Variants in STK39 observed in about 807,000 individuals in gnomAD.
STK39 encodes STE20/SPS1-related proline-alanine-rich protein kinase.
Under a neutral mutation model 77.8 loss-of-function variants are expected in STK39, and 20 were observed. That is an observed-to-expected ratio of 0.26 (90% CI 0.18 to 0.37). The LOEUF (loss-of-function observed/expected upper bound fraction) is 0.37, where lower values mean the gene tolerates loss of function less well. STK39 is among the 10% of genes least tolerant of loss of function. The pLI is 1.00. For synonymous variants in STK39, 246 were observed against 234.1 expected, an observed-to-expected ratio of 1.05 and a Z score of -0.47; for missense variants, 479 against 656.5, an observed-to-expected ratio of 0.73 and a Z score of 2.95.
At chr2:168,078,896 G>A (rs973475874) in intron 10 of STK39, among the ~76,000 whole-genome samples, 21 of 152,116 alleles carry the variant, frequency 1.4e-4, no homozygotes, top group African/African-American at 4.6e-4. Flanking sequence ...CTGAACATAT[G>A]GCATGCTGAC....
chr2:167,967,486 G>C (rs1335103903), intron 16 of STK39, among the ~76,000 whole-genome samples: 1 of 152,008 alleles, frequency 6.6e-6, no homozygotes, highest in Non-Finnish European at 1.5e-5. Flanking sequence ...CTTTAGGCTT[G>C]AATACCTGTC....
At chr2:168,069,605 TCAGGAATTTTGAGCA>T (rs1685887026) in intron 12 of STK39, among the ~76,000 whole-genome samples, 1 of 152,266 alleles carries the variant, frequency 6.6e-6, no homozygotes, top group South Asian at 2.1e-4. Context: ...AAACAAATCT[TCAGGAATTTTGAGCA>T]CACCAGCTTC....
intron 10 of STK39, among the ~76,000 whole-genome samples, chr2:168,126,741 C>T (rs372736069): frequency 9.9e-5 from 15 of 152,218 alleles, no homozygotes; most frequent in South Asian, 2.1e-4. Flanking sequence ...GATGCTGTCC[C>T]GGGCAGAGTA....
intron 14 of STK39, among the ~76,000 whole-genome samples, chr2:168,032,344 T>C (rs1490692903): frequency 2.0e-5 from 3 of 152,214 alleles, no homozygotes; most frequent in Non-Finnish European, 4.4e-5. Context: ...TTTGAAAAAC[T>C]TGTTCTTTGA....
At chr2:168,220,492 T>C (rs12993276) in intron 1 of STK39, among the ~76,000 whole-genome samples, 1 of 152,178 alleles carries the variant, frequency 6.6e-6, no homozygotes, top group Non-Finnish European at 1.5e-5. Flanking sequence ...TTAAATGAGA[T>C]GTGCATGTAA....
intron 2 of STK39, among the ~76,000 whole-genome samples, chr2:168,180,970 C>G (rs1040955137): frequency 6.6e-6 from 1 of 152,174 alleles, no homozygotes; most frequent in Non-Finnish European, 1.5e-5. Context: ...TTAATTTATA[C>G]TATAGTGTAC....
chr2:168,062,466 T>C (rs939187012), intron 14 of STK39, among the ~76,000 whole-genome samples: 5 of 152,214 alleles, frequency 3.3e-5, no homozygotes, highest in African/African-American at 1.2e-4. Context: ...ACTTCTTAAC[T>C]CTGAATTGAA....
chr2:168,049,797 C>A (rs1385460162), intron 14 of STK39, among the ~76,000 whole-genome samples: 2 of 152,214 alleles, frequency 1.3e-5, no homozygotes, highest in Non-Finnish European at 2.9e-5. Flanking sequence ...TGACTTGTGT[C>A]TGTGTTCCTA....
intron 17 of STK39, among the ~76,000 whole-genome samples, chr2:167,958,759 G>T (rs1396152563): frequency 6.6e-6 from 1 of 152,162 alleles, no homozygotes; most frequent in Non-Finnish European, 1.5e-5. Context: ...AATGTTAGTT[G>T]CAATGTACAC....
At chr2:168,031,533 A>G (rs541209349) in intron 14 of STK39, among the ~76,000 whole-genome samples, 7 of 152,286 alleles carry the variant, frequency 4.6e-5, no homozygotes, top group Admixed American at 2.6e-4. Flanking sequence ...AGTACCTCAG[A>G]ATGTGACCGT....
At chr2:168,160,404 G>C (rs1282760560) in intron 5 of STK39, among the ~76,000 whole-genome samples, 1 of 152,194 alleles carries the variant, frequency 6.6e-6, no homozygotes, top group African/African-American at 2.4e-5. Flanking sequence ...ATGATCTCCA[G>C]TCAGTGCAAG....
intron 1 of STK39, among the ~76,000 whole-genome samples, chr2:168,220,293 ACATGT>A (rs752187000): frequency 6.6e-6 from 1 of 152,122 alleles, no homozygotes; most frequent in African/African-American, 2.4e-5. Flanking sequence ...GAAGCAACAC[ACATGT>A]ACTGAATATG....
At chr2:167,965,095 T>C (rs2105532863) in intron 16 of STK39, among the ~76,000 whole-genome samples, 1 of 146,308 alleles carries the variant, frequency 6.8e-6, no homozygotes, top group South Asian at 2.2e-4. Flanking sequence ...GAGAGGGCAG[T>C]ACAAAACAAA....
intron 14 of STK39, among the ~76,000 whole-genome samples, chr2:168,060,171 A>G (rs1188827528): frequency 6.6e-6 from 1 of 151,988 alleles, no homozygotes; most frequent in Non-Finnish European, 1.5e-5. Context: ...TCAGAGATTC[A>G]TGAGTTCACA....
chr2:167,998,102 G>A (rs1683894591), intron 16 of STK39, among the ~76,000 whole-genome samples: 1 of 148,694 alleles, frequency 6.7e-6, no homozygotes, highest in Non-Finnish European at 1.5e-5. Context: ...CCCAATTAAA[G>A]GGAAGGTTAA....
intron 16 of STK39, among the ~76,000 whole-genome samples, chr2:167,983,560 A>T (rs1683485275): frequency 6.6e-6 from 1 of 151,748 alleles, no homozygotes; most frequent in Admixed American, 6.6e-5. Flanking sequence ...ATTCTCCTTT[A>T]TTGGGGAAAG....
At chr2:168,077,933 C>T (rs1190229327) in intron 10 of STK39, among the ~76,000 whole-genome samples, 1 of 151,446 alleles carries the variant, frequency 6.6e-6, no homozygotes, top group African/African-American at 2.4e-5. Context: ...AGAAAAGCTT[C>T]CATCTTCCCC....
intron 10 of STK39, among the ~76,000 whole-genome samples, chr2:168,080,283 A>T (rs1686193725): frequency 1.3e-5 from 2 of 152,154 alleles, no homozygotes; most frequent in African/African-American, 4.8e-5. Context: ...TTCAGTTTTA[A>T]AAGGGAAACA....
chr2:168,139,081 C>T (rs183223256), intron 7 of STK39, among the ~76,000 whole-genome samples: 15 of 152,218 alleles, frequency 9.9e-5, no homozygotes, highest in East Asian at 3.9e-4. Context: ...GTGAAAGTGA[C>T]GGCTTATTGT....
Sources: gnomAD v4.1 joint callset for allele counts (sites outside exome capture counted in the v4.1 genomes callset) on GRCh38, gnomAD v4.1.1 for gene constraint, MANE v1.5 for transcripts, NCBI Gene and HGNC (gene_info 2026-07-23, HGNC 2026-07-21) for gene names.